Variants in PCDHA5 observed in about 807,000 individuals in gnomAD.
The protein encoded by PCDHA5 is protocadherin alpha 5, also known as protocadherin alpha-5.
A neutral mutation model predicts 61.6 loss-of-function variants in PCDHA5; 43 were observed. That is an observed-to-expected ratio of 0.70 (90% CI 0.55 to 0.90). PCDHA5 has a LOEUF of 0.90. Among genes scored for constraint, PCDHA5 ranks in the 40% least tolerant of loss-of-function variants. The pLI is 0.00. For missense variants in PCDHA5, 1,298 were observed against 1,222.7 expected, an observed-to-expected ratio of 1.06 and a Z score of -0.92; for synonymous variants, 627 against 543.9, an observed-to-expected ratio of 1.15 and a Z score of -2.13.
At chr5:140,839,814 T>A (rs2150301148) in intron 1 of PCDHA5, among the ~76,000 whole-genome samples, 9,024 of 152,086 alleles carry the variant, frequency 0.059, 964 homozygotes, top group African/African-American at 0.21. Flanking sequence ...AATTGCCTAC[T>A]ATGAAGGCAT....
chr5:140,924,754 G>T (rs1332624356), intron 1 of PCDHA5, among the ~76,000 whole-genome samples: 1 of 151,848 alleles, frequency 6.6e-6, no homozygotes, highest in African/African-American at 2.4e-5. Flanking sequence ...AATTAACCGA[G>T]CATGGTGGTG....
chr5:141,000,403 A>C (rs1233777704), intron 3 of PCDHA5, among the ~76,000 whole-genome samples: 120 of 84,052 alleles, frequency 1.4e-3, no homozygotes, highest in East Asian at 4.6e-3. Context: ...CTCTATATAT[A>C]TATATATATA....
At position 140,969,194 on chromosome 5, in the gene PCDHA5, A is replaced by G. The variant is rs782262250; in HGVS notation, c.2353-9755A>G. On this transcript the variant is annotated intron_variant, in intron 1 of 3. Coordinates refer to ENST00000529859, the MANE Select transcript of PCDHA5 (RefSeq NM_018908.3). ...AGGGAGTGACACTTTCATGTTTTAC[A>G]ATACAGGGGCCCAGACAGGACCAGG... 1.8e-5 allele frequency: 29 copies of G among 1,614,026 alleles called. No homozygotes were observed. The highest frequency in any genetic ancestry group is 2.3e-5 in the Non-Finnish European group (27 of 1,180,018).
At chr5:140,938,427 T>G (rs992312670) in intron 1 of PCDHA5, among the ~76,000 whole-genome samples, 3 of 152,206 alleles carry the variant, frequency 2.0e-5, no homozygotes, top group African/African-American at 7.2e-5. Flanking sequence ...GCAAAAATCC[T>G]TTATCAGATT....
intron 3 of PCDHA5, among the ~76,000 whole-genome samples, chr5:141,008,894 A>G (rs782674482): frequency 9.9e-5 from 15 of 152,254 alleles, no homozygotes; most frequent in Non-Finnish European, 1.8e-4. Context: ...TGTTATTACA[A>G]TAAAATTAAG....
At chr5:140,966,792 C>T (rs1182470326) in intron 1 of PCDHA5, 4 of 1,530,564 alleles carry the variant, frequency 2.6e-6, no homozygotes, top group Non-Finnish European at 2.6e-6. Context: ...ACCAGACCTG[C>T]GGCGACAGAG....
At chr5:140,836,744 T>A in intron 1 of PCDHA5, 1 of 1,588,470 alleles carries the variant, frequency 6.3e-7, no homozygotes, top group Non-Finnish European at 8.5e-7. Context: ...ACAATGTGAG[T>A]CATAAATAAT....
intron 1 of PCDHA5, chr5:140,927,125 G>C (rs782734791): frequency 6.2e-7 from 1 of 1,614,076 alleles, no homozygotes; most frequent in Admixed American, 1.7e-5. Flanking sequence ...TTGGTGGTCA[G>C]AGAGCCGGCG....
chr5:140,883,726 G>A, intron 1 of PCDHA5: 2 of 1,613,590 alleles, frequency 1.2e-6, no homozygotes, highest in Non-Finnish European at 1.7e-6. Context: ...ACGCACAGGA[G>A]AACGCGCTGG....
At chr5:140,875,536 G>A (rs2055577552) in intron 1 of PCDHA5, 2 of 1,614,130 alleles carry the variant, frequency 1.2e-6, no homozygotes, top group Non-Finnish European at 1.7e-6. Flanking sequence ...TCTGCTCCTT[G>A]CAGCCTGGGA....
At chr5:140,846,552 T>G (rs1445405487) in intron 1 of PCDHA5, among the ~76,000 whole-genome samples, 2 of 148,312 alleles carry the variant, frequency 1.3e-5, no homozygotes, top group African/African-American at 4.9e-5. Context: ...TTTTTTGTAT[T>G]TTTAGTAGAG....
At chr5:140,949,453 A>T (rs1284957540) in intron 1 of PCDHA5, among the ~76,000 whole-genome samples, 4 of 151,762 alleles carry the variant, frequency 2.6e-5, no homozygotes, top group African/African-American at 9.7e-5. Flanking sequence ...TGCTTCATGT[A>T]ATTTGAAGCC....
At position 140,823,917 on chromosome 5, in the gene PCDHA5, G is replaced by A; in HGVS notation, c.2142G>A (p.Leu714=). ...TGTCCAGCCTGCTGGTGCTCACGCT[G>A]CTGCTGTACACCGCGCTGCGGTGCT... is the stretch of plus-strand genomic sequence containing the variant. The part of the protein sequence containing the change: ...CAVSSLLVLT[L]LLYTALRCSA... Residue 714 remains leucine (L), a synonymous_variant, in exon 1 of 4, where the codon CTG becomes CTA. Coordinates refer to ENST00000529859, the MANE Select transcript of PCDHA5 (RefSeq NM_018908.3). 1 of 1,614,028 alleles carries A rather than the reference G, an allele frequency of 6.2e-7. No individual in the cohort carries two copies. The highest frequency in any genetic ancestry group is 8.5e-7 in the Non-Finnish European group (1 of 1,179,954).
chr5:140,940,756 T>A (rs782132428), intron 1 of PCDHA5, among the ~76,000 whole-genome samples: 23 of 152,246 alleles, frequency 1.5e-4, no homozygotes, highest in Non-Finnish European at 2.8e-4. Context: ...GTGTGCCAAC[T>A]TTTATTTGAC....
intron 3 of PCDHA5, among the ~76,000 whole-genome samples, chr5:140,995,133 T>C (rs1397108502): frequency 6.6e-6 from 1 of 152,230 alleles, no homozygotes; most frequent in Non-Finnish European, 1.5e-5. Flanking sequence ...TGAAACCTCA[T>C]TTAGTACTGA....
At chr5:140,840,664 A>T (rs2150308594) in intron 1 of PCDHA5, among the ~76,000 whole-genome samples, 5 of 152,102 alleles carry the variant, frequency 3.3e-5, no homozygotes, top group Admixed American at 1.3e-4. Context: ...ATATGCACAT[A>T]CATTTTTATT....
At chr5:140,894,414 C>A (rs1554186083) in intron 1 of PCDHA5, among the ~76,000 whole-genome samples, 2 of 151,928 alleles carry the variant, frequency 1.3e-5, no homozygotes, top group African/African-American at 4.8e-5. Flanking sequence ...TCTTTTGTAG[C>A]TAACACTCCT....
At chr5:140,987,050 C>G (rs781947211) in intron 3 of PCDHA5, among the ~76,000 whole-genome samples, 34 of 151,840 alleles carry the variant, frequency 2.2e-4, no homozygotes, top group Non-Finnish European at 2.5e-4. Context: ...CCCATCTCTA[C>G]TAAAGTTACA....
At chr5:140,968,062 G>A in intron 1 of PCDHA5, 2 of 1,614,120 alleles carry the variant, frequency 1.2e-6, no homozygotes, top group Non-Finnish European at 1.7e-6. Flanking sequence ...GAGAGCGGGT[G>A]GCTGTCTACA....
Sources: allele counts gnomAD v4.1 joint callset (sites outside exome capture counted in the v4.1 genomes callset), GRCh38; gene constraint gnomAD v4.1.1; transcripts MANE v1.5; gene names NCBI Gene and HGNC (gene_info 2026-07-23, HGNC 2026-07-21).